Variants in PRSS23 observed in about 807,000 individuals in gnomAD.
The protein encoded by PRSS23 is serine protease 23.
A neutral mutation model predicts 34.7 loss-of-function variants in PRSS23; 25 were observed. The observed-to-expected ratio is 0.72, with a 90% CI of 0.53 to 1.01. PRSS23 has a LOEUF of 1.01. Among genes scored for constraint, PRSS23 ranks in the 50% least tolerant of loss-of-function variants. The probability of loss-of-function intolerance (pLI) is 0.00; values close to 1 mark genes in which losing one functional copy is unlikely to be tolerated. For missense variants in PRSS23, 445 were observed against 475.6 expected (o/e 0.94, Z 0.60); for synonymous variants, 176 against 186.6 (o/e 0.94, Z 0.46).
intron 2 of PRSS23, chr11:86,937,570 GA>G (rs1289536793): frequency 6.6e-6 from 1 of 152,178 alleles, no homozygotes; most frequent in East Asian, 1.9e-4. Context: ...CCAAAACCAA[GA>G]TGGCCATGAG....
chr11:86,861,548 G>A (rs1948615242), intron 2 of PRSS23, among the ~76,000 whole-genome samples: 1 of 151,834 alleles, frequency 6.6e-6, no homozygotes, highest in Non-Finnish European at 1.5e-5. Flanking sequence ...TTGGAGAGGG[G>A]ATGATATTAC....
chr11:86,830,269 C>T (rs1948342179), intron 2 of PRSS23, among the ~76,000 whole-genome samples: 1 of 152,202 alleles, frequency 6.6e-6, no homozygotes, highest in East Asian at 1.9e-4. Flanking sequence ...ATCAGCGAGA[C>T]TCCATGGGCA....
At chr11:86,845,348 A>G (rs1948478794) in intron 2 of PRSS23, among the ~76,000 whole-genome samples, 1 of 152,246 alleles carries the variant, frequency 6.6e-6, no homozygotes, top group South Asian at 2.1e-4. Flanking sequence ...ACTTCAGGTC[A>G]GGGGATACTT....
At chr11:86,854,489 T>G (rs2134923163) in intron 2 of PRSS23, among the ~76,000 whole-genome samples, 1 of 152,368 alleles carries the variant, frequency 6.6e-6, no homozygotes, top group African/African-American at 2.4e-5. Context: ...ACAGTGTTTT[T>G]TGATGCACAA....
chr11:86,812,421 G>A (rs1022286259), downstream of PRSS23, among the ~76,000 whole-genome samples: 1 of 152,196 alleles, frequency 6.6e-6, no homozygotes, highest in Non-Finnish European at 1.5e-5. Flanking sequence ...ATTTCTGGGC[G>A]ATCAACAACA....
intron 2 of PRSS23, among the ~76,000 whole-genome samples, chr11:86,841,988 A>G (rs1465651270): frequency 1.3e-5 from 2 of 152,232 alleles, no homozygotes; most frequent in African/African-American, 4.8e-5. Context: ...AAAAAAGAGA[A>G]TTTTAGACCA....
chr11:86,804,427 T>C (rs187996209), intron 1 of PRSS23, among the ~76,000 whole-genome samples: 3 of 152,328 alleles, frequency 2.0e-5, no homozygotes, highest in Non-Finnish European at 2.9e-5. Flanking sequence ...TATATAATGC[T>C]GTCAGAACAA....
chr11:86,795,515 A>G (rs951661252), intron 1 of PRSS23, among the ~76,000 whole-genome samples: 6 of 152,244 alleles, frequency 3.9e-5, no homozygotes, highest in Non-Finnish European at 5.9e-5. Flanking sequence ...GTGCCCCAAA[A>G]TTAAAAAATG....
chr11:86,858,828 G>A (rs7104692), intron 2 of PRSS23, among the ~76,000 whole-genome samples: 52,907 of 151,248 alleles, frequency 0.35, 9,350 homozygotes, highest in East Asian at 0.46. Flanking sequence ...CTAGTACCCA[G>A]GGAGGGAGAG....
chr11:86,938,533 G>C (rs1173486939), intron 2 of PRSS23, among the ~76,000 whole-genome samples: 3 of 152,182 alleles, frequency 2.0e-5, no homozygotes, highest in Non-Finnish European at 4.4e-5. Flanking sequence ...GGATTGGCTA[G>C]AGCATAGGGT....
At chr11:86,939,431 T>TTTTTTTTAAAATATA (rs1555084022) in intron 2 of PRSS23, among the ~76,000 whole-genome samples, 3 of 141,754 alleles carry the variant, frequency 2.1e-5, no homozygotes, top group East Asian at 2.0e-4. Flanking sequence ...TATATATTTT[T>TTTTTTTTAAAATATA]TAACATGAGT....
At chr11:86,823,458 G>A (rs2134876633) in exon 2 of PRSS23, 1 of 702,382 alleles carries the variant, frequency 1.4e-6, no homozygotes, top group Non-Finnish European at 2.6e-6. Flanking sequence ...AAGCGAGAGG[G>A]CTCAACAGTT....
chr11:86,925,417 A>G (rs962876929), intron 2 of PRSS23, among the ~76,000 whole-genome samples: 1 of 152,174 alleles, frequency 6.6e-6, no homozygotes, highest in Non-Finnish European at 1.5e-5. Context: ...CAGAAAATCA[A>G]GAGCCAGGAA....
intron 2 of PRSS23, among the ~76,000 whole-genome samples, chr11:86,892,704 G>A (rs1181286575): frequency 6.7e-6 from 1 of 149,214 alleles, no homozygotes; most frequent in East Asian, 1.9e-4. Context: ...AAAATTACTT[G>A]AATAAATTTT....
chr11:86,831,166 A>G (rs1163262491), intron 2 of PRSS23, among the ~76,000 whole-genome samples: 1 of 152,120 alleles, frequency 6.6e-6, no homozygotes, highest in East Asian at 1.9e-4. Flanking sequence ...GCAGGATGTT[A>G]TTACTAATGT....
downstream of PRSS23, among the ~76,000 whole-genome samples, chr11:86,813,641 T>C (rs1198072619): frequency 2.6e-5 from 4 of 152,070 alleles, no homozygotes; most frequent in African/African-American, 9.7e-5. Context: ...AAGAAGAAAG[T>C]TAATTTTTAA....
intron 2 of PRSS23, among the ~76,000 whole-genome samples, chr11:86,867,286 T>C (rs1439164597): frequency 6.6e-6 from 1 of 152,174 alleles, no homozygotes; most frequent in Non-Finnish European, 1.5e-5. Context: ...AAGCTGGCTC[T>C]CAAAACTATT....
At chr11:86,824,400 A>T (rs1948282165) in intron 2 of PRSS23, among the ~76,000 whole-genome samples, 1 of 150,862 alleles carries the variant, frequency 6.6e-6, no homozygotes, top group Non-Finnish European at 1.5e-5. Flanking sequence ...AATGGAGGAA[A>T]GTAAGAACAG....
At chr11:86,841,798 C>T (rs1019974412) in intron 2 of PRSS23, among the ~76,000 whole-genome samples, 13 of 152,122 alleles carry the variant, frequency 8.5e-5, no homozygotes, top group African/African-American at 1.4e-4. Context: ...TAATAGTCTA[C>T]CAACCAAAAA....
Sources: gnomAD v4.1 joint callset for allele counts (sites outside exome capture counted in the v4.1 genomes callset) on GRCh38, gnomAD v4.1.1 for gene constraint, MANE v1.5 for transcripts, NCBI Gene and HGNC (gene_info 2026-07-23, HGNC 2026-07-21) for gene names.